Variants in HSDL2 observed in about 807,000 individuals in gnomAD.
HSDL2 encodes hydroxysteroid dehydrogenase like 2.
Under a neutral mutation model 46.3 loss-of-function variants are expected in HSDL2, and 27 were observed. The ratio of observed to expected loss-of-function variants is 0.58; its 90% CI spans 0.43 to 0.80. The LOEUF is 0.80. Ranked by LOEUF, HSDL2 falls within the 30% of genes least tolerant of loss-of-function variation. The probability of loss-of-function intolerance (pLI) is 0.00; values close to 1 mark genes in which losing one functional copy is unlikely to be tolerated. For missense variants in HSDL2, 451 were observed against 502.7 expected (o/e 0.90, Z 0.98); for synonymous variants, 153 against 163.6 (o/e 0.94, Z 0.50).
intron 8 of HSDL2, 28 bp downstream of exon 8, chr9:112,441,798 G>T (rs774888506): frequency 1.5e-6 from 2 of 1,359,602 alleles, no homozygotes; most frequent in Non-Finnish European, 2.1e-6. Context: ...TTTTATGTTA[G>T]AAAATATAAA....
At chr9:112,428,654 T>C (rs1240168056) in intron 6 of HSDL2, among the ~76,000 whole-genome samples, 1 of 152,196 alleles carries the variant, frequency 6.6e-6, no homozygotes, top group Non-Finnish European at 1.5e-5. Context: ...CATAAGCTTT[T>C]GTTTCATATA....
chr9:112,420,168 C>T (rs773561616), intron 6 of HSDL2, among the ~76,000 whole-genome samples: 1 of 151,952 alleles, frequency 6.6e-6, no homozygotes, highest in Non-Finnish European at 1.5e-5. Context: ...TGGCAAAACC[C>T]CGTGTCTACT....
intron 1 of HSDL2, among the ~76,000 whole-genome samples, chr9:112,398,082 TGAG>T (rs1266427344): frequency 1.4e-5 from 2 of 148,098 alleles, no homozygotes; most frequent in Admixed American, 1.3e-4. Flanking sequence ...AAACTGAGGT[TGAG>T]GAGGTCGGAC....
chr9:112,431,283 T>G (rs140978777), intron 6 of HSDL2, among the ~76,000 whole-genome samples: 2 of 151,970 alleles, frequency 1.3e-5, no homozygotes, highest in Non-Finnish European at 2.9e-5. Flanking sequence ...GATAAAAAAA[T>G]CTGTGGGTTA....
chr9:112,385,713 T>G (rs1408099587), intron 1 of HSDL2, among the ~76,000 whole-genome samples: 1 of 151,950 alleles, frequency 6.6e-6, no homozygotes, highest in East Asian at 1.9e-4. Context: ...CAGGCTGGTC[T>G]CAAACTCCTG....
intron 9 of HSDL2, among the ~76,000 whole-genome samples, chr9:112,458,147 G>A (rs1485498935): frequency 6.6e-6 from 1 of 151,592 alleles, no homozygotes; most frequent in Non-Finnish European, 1.5e-5. Flanking sequence ...TCTTGATTCT[G>A]GCTTTTTTGC....
intron 1 of HSDL2, among the ~76,000 whole-genome samples, chr9:112,389,330 C>G (rs1423724103): frequency 6.6e-6 from 1 of 152,054 alleles, no homozygotes; most frequent in East Asian, 1.9e-4. Context: ...CCTCAAATCA[C>G]TCTTAAGTGG....
At chr9:112,430,540 G>A (rs575333470) in intron 6 of HSDL2, among the ~76,000 whole-genome samples, 2 of 152,278 alleles carry the variant, frequency 1.3e-5, no homozygotes, top group East Asian at 3.9e-4. Flanking sequence ...CTCTCTGGCT[G>A]TTCTGATGAG....
At chr9:112,423,284 C>T (rs1157562375) in intron 6 of HSDL2, among the ~76,000 whole-genome samples, 1 of 152,200 alleles carries the variant, frequency 6.6e-6, no homozygotes, top group African/African-American at 2.4e-5. Context: ...AAAAGCACTA[C>T]ACTGTCTTCA....
At position 112,409,009 on chromosome 9, in the gene HSDL2, G is replaced by A. The variant is rs1384079941; in HGVS notation, c.383G>A (p.Gly128Asp). Residue 128 changes from glycine to aspartate, a missense_variant, in exon 4 of 11, where the codon GGC becomes GAC. By Grantham distance (94) the Gly-to-Asp change is moderately conservative (BLOSUM62 -1). Coordinates refer to ENST00000398805, the MANE Select transcript of HSDL2 (RefSeq NM_032303.5). ...CTGATGATGAACGTGAACACCAGAG[G>A]CACCTACCTTGCGTAAGTTTGCAAG... ...LDLMMNVNTRGTYLASKACIP... is the reference protein window; with the variant it reads ...LDLMMNVNTRDTYLASKACIP... 11 of 1,592,862 alleles carry A rather than the reference G, an allele frequency of 6.9e-6. No homozygotes were observed. Among genetic ancestry groups the A allele is most frequent in the African/African-American group, 1.3e-5 (1 of 74,406 alleles).
intron 3 of HSDL2, 74 bp from the exon 4 acceptor site, chr9:112,408,833 C>G: frequency 1.3e-6 from 1 of 755,678 alleles, no homozygotes; most frequent in East Asian, 2.7e-5. Flanking sequence ...ACTGAGGGTT[C>G]AAGAGAGTAA....
In HSDL2 at chr9:112,444,944, C is replaced by A. The variant is rs548606508; in HGVS notation, c.865+3174C>A. Among the ~76,000 whole-genome samples the A allele has an allele frequency of 2.7e-5, 4 of 149,742 alleles. No homozygotes were observed. In the East Asian group the frequency reaches 8.0e-4, roughly 30 times the overall value. ...CCAAGCTGGAGTGCAGTGGCTCGAT[C>A]ATAGCCCACTGCAGCCCTCAAAGTC... On this transcript the variant is annotated intron_variant, in intron 8 of 10. Coordinates refer to ENST00000398805, the MANE Select transcript of HSDL2 (RefSeq NM_032303.5).
chr9:112,395,680 AAAG>A (rs1831438944), intron 1 of HSDL2, among the ~76,000 whole-genome samples: 1 of 152,266 alleles, frequency 6.6e-6, no homozygotes. Flanking sequence ...CTTAGGTATT[AAAG>A]GAGGGGCAGG....
intron 1 of HSDL2, among the ~76,000 whole-genome samples, chr9:112,386,112 G>A (rs186035466): frequency 3.4e-4 from 51 of 151,994 alleles, no homozygotes; most frequent in African/African-American, 1.2e-3. Context: ...TAAAGGTGGG[G>A]TCTCACTATG....
In HSDL2 at chr9:112,428,082, C is replaced by T. The variant is rs559805026; in HGVS notation, c.598+9124C>T. On this transcript the variant is annotated intron_variant, in intron 6 of 10. Transcript: ENST00000398805. ...TGCTATGTACTGGATAAAGGGAGTT[C>T]CCCGGCTCCAAGCAGTACTGAAGAT... Among the ~76,000 whole-genome samples, 5 of 152,266 alleles carry T rather than the reference C, an allele frequency of 3.3e-5. No individual in the cohort carries two copies. The South Asian group carries it at 1.0e-3, about 32-fold the overall frequency.
intron 1 of HSDL2, among the ~76,000 whole-genome samples, chr9:112,381,096 C>CACACACACACACACACAA (rs1554707219): frequency 0.012 from 1,700 of 139,302 alleles, 31 homozygotes; most frequent in African/African-American, 0.043. Context: ...GATACACACA[C>CACACACACACACACACAA]ACACACACAC....
intron 1 of HSDL2, among the ~76,000 whole-genome samples, chr9:112,388,467 A>G (rs1449481402): frequency 6.6e-6 from 1 of 151,208 alleles, no homozygotes; most frequent in Non-Finnish European, 1.5e-5. Context: ...TCTCAAAAAA[A>G]AAAAAAAAAA....
intron 4 of HSDL2, among the ~76,000 whole-genome samples, chr9:112,415,325 G>T (rs774072619): frequency 6.6e-6 from 1 of 152,080 alleles, no homozygotes; most frequent in Non-Finnish European, 1.5e-5. Context: ...TAACAACAGC[G>T]ATTGTTTATT....
At chr9:112,406,946 A>T (rs1474588089) in intron 3 of HSDL2, among the ~76,000 whole-genome samples, 3 of 151,580 alleles carry the variant, frequency 2.0e-5, no homozygotes. Context: ...CTAAACCATT[A>T]CCACTCTCCC....
Sources: gnomAD v4.1 joint callset for allele counts (sites outside exome capture counted in the v4.1 genomes callset) on GRCh38, gnomAD v4.1.1 for gene constraint, MANE v1.5 for transcripts, NCBI Gene and HGNC (gene_info 2026-07-23, HGNC 2026-07-21) for gene names.